CCDC85C: variants seen among roughly 807,000 people sequenced by gnomAD.
CCDC85C encodes coiled-coil domain containing 85C, also known as coiled-coil domain-containing protein 85C.
A neutral mutation model predicts 38.3 loss-of-function variants in CCDC85C; 18 were observed. The ratio of observed to expected loss-of-function variants is 0.47; its 90% CI spans 0.33 to 0.70. The LOEUF is 0.70. Among genes scored for constraint, CCDC85C ranks in the 30% least tolerant of loss-of-function variants. The probability of loss-of-function intolerance (pLI) is 0.03; values close to 1 mark genes in which losing one functional copy is unlikely to be tolerated. For synonymous variants in CCDC85C, 264 were observed against 293.8 expected (o/e 0.90, Z 1.04); for missense variants, 566 against 621.2 (o/e 0.91, Z 0.94).
chr14:99,552,949 G>A (rs1390911331), intron 1 of CCDC85C, among the ~76,000 whole-genome samples: 1 of 152,182 alleles, frequency 6.6e-6, no homozygotes, highest in African/African-American at 2.4e-5. Flanking sequence ...GCTGGCCAGG[G>A]ACTTGGTTAC....
chr14:99,557,338 C>G (rs1027616148), intron 1 of CCDC85C, among the ~76,000 whole-genome samples: 1 of 152,202 alleles, frequency 6.6e-6, no homozygotes, highest in African/African-American at 2.4e-5. Context: ...AGGCTGTTCT[C>G]GGCTGGAGGA....
Position 99,536,034 on chromosome 14 carries a change from C to T in CCDC85C, c.848G>A (p.Gly283Asp), listed in dbSNP as rs1157471110. ...QLESKVRLLEGDKLLAQQAGS... is the reference protein window; with the variant it reads ...QLESKVRLLEDDKLLAQQAGS... ...GCCTACCTGTGCGAGGAGCTTGTCA[C>T]CCTCCAGCAGCCTCACTTTGCTCTC... The change falls in exon 2 of 6, where the codon GGT becomes GAT. Residue 283 changes from glycine to aspartate, a missense_variant. Physicochemically the swap from Gly to Asp is moderately conservative, Grantham distance 94. Around this residue, in one of 3 missense-constraint regions of CCDC85C, gnomAD observed 286 missense variants for 276.4 expected, o/e 1.03. Coordinates refer to ENST00000380243, the MANE Select transcript of CCDC85C (RefSeq NM_001144995.2). The T allele has an allele frequency of 2.6e-6, 4 of 1,551,424 alleles. No individual in the cohort carries two copies. The African/African-American group carries it at 4.1e-5, about 16-fold the overall frequency.
rs370622434 is a variant in CCDC85C, at chr14:99,586,939, C to T, written c.793+16228G>A. ...CCCGCAGCCACGGGCGGCACTCCCGCGCTCACAGAGGGCCTCTGCCCTCCT... is the reference window on the plus strand; with the variant it reads ...CCCGCAGCCACGGGCGGCACTCCCGTGCTCACAGAGGGCCTCTGCCCTCCT... On this transcript the variant is annotated intron_variant, in intron 1 of 5. Transcript: ENST00000380243. Among the ~76,000 whole-genome samples the T allele has an allele frequency of 2.0e-3, 305 of 152,336 alleles. 2 individuals carry two copies. The highest frequency in any genetic ancestry group is 6.6e-3 in the African/African-American group (274 of 41,590).
chr14:99,594,291 GT>G (rs1164001166), intron 1 of CCDC85C, among the ~76,000 whole-genome samples: 1 of 152,224 alleles, frequency 6.6e-6, no homozygotes, highest in Non-Finnish European at 1.5e-5. Flanking sequence ...GAAGCTCAGT[GT>G]TCTCCTCTTG....
At chr14:99,589,870 C>T (rs1267872213) in intron 1 of CCDC85C, among the ~76,000 whole-genome samples, 1 of 152,212 alleles carries the variant, frequency 6.6e-6, no homozygotes, top group Non-Finnish European at 1.5e-5. Context: ...CCAGGGGTTC[C>T]GAGAGCCCAA....
intron 1 of CCDC85C, among the ~76,000 whole-genome samples, chr14:99,587,221 C>T (rs2055036714): frequency 6.6e-6 from 1 of 152,268 alleles, no homozygotes; most frequent in Non-Finnish European, 1.5e-5. Flanking sequence ...TGATCCCAGG[C>T]AGCCCCTGCC....
At position 99,515,305 on chromosome 14, in the gene CCDC85C, T is replaced by G; in HGVS notation, c.1201A>C (p.Ser401Arg). Residue 401 changes from serine (S) to arginine (R), a missense_variant, in exon 6 of 6, where the codon AGC becomes CGC. By Grantham distance (110) the Ser-to-Arg change is moderately radical. Around this residue, in one of 3 missense-constraint regions of CCDC85C, gnomAD observed 286 missense variants for 276.4 expected, o/e 1.03. Coordinates refer to ENST00000380243, the MANE Select transcript of CCDC85C (RefSeq NM_001144995.2). Reference sequence around the variant, plus strand: ...TGCTGCCGTATGGAGGGCTTGGAGCTGGCTGCATCTCCCAGCTTTCTCCAG... The same window carrying G: ...TGCTGCCGTATGGAGGGCTTGGAGCGGGCTGCATCTCCCAGCTTTCTCCAG... Reference protein sequence around the residue: ...VVWRKLGDAASSKPSIRQHLS... With the variant: ...VVWRKLGDAARSKPSIRQHLS... 19 of 1,550,818 alleles carry G rather than the reference T, an allele frequency of 1.2e-5. No individual in the cohort carries two copies. The highest frequency in any genetic ancestry group is 1.6e-5 in the Non-Finnish European group (18 of 1,146,808).
chr14:99,593,453 C>T (rs569329993), intron 1 of CCDC85C, among the ~76,000 whole-genome samples: 16 of 152,228 alleles, frequency 1.1e-4, no homozygotes, highest in South Asian at 2.1e-4. Context: ...AGTGGGGTGG[C>T]GGAGGCAGCC....
Position 99,522,254 on chromosome 14 carries a change from A to G in CCDC85C, c.868-14T>C. On this transcript the variant is annotated splice_polypyrimidine_tract_variant and intron_variant, in intron 2 of 5. Transcript: ENST00000380243. ...GGAGCCTGCCTGCTGCAGGGGAGAG[A>G]AGGAGAGGGGTTAGACGGAGGGCCA... is the stretch of plus-strand genomic sequence containing the variant. The G allele has an allele frequency of 6.5e-7, 1 of 1,539,050 alleles. No individual in the cohort carries two copies. The highest frequency in any genetic ancestry group is 8.8e-7 in the Non-Finnish European group (1 of 1,141,262).
At position 99,517,146 on chromosome 14, in the gene CCDC85C, G is replaced by C. The variant is rs957847302; in HGVS notation, c.1013C>G (p.Pro338Arg). Residue 338 changes from proline to arginine, a missense_variant, in exon 4 of 6, where the codon CCC becomes CGC. By Grantham distance (103) the Pro-to-Arg change is moderately radical (BLOSUM62 -2). This residue lies in a region of CCDC85C where 286 missense variants were observed against 276.4 expected (regional missense o/e 1.03). Transcript: ENST00000380243. ...ACPAPELPSPPSAGYSPAGQK... is the reference protein window; with the variant it reads ...ACPAPELPSPRSAGYSPAGQK... ...TCCTGCAGGGCTGTAGCCAGCAGAG[G>C]GGGGCGAGGGCAGCTCAGGTGCGGG... 9.7e-6 allele frequency: 15 copies of C among 1,550,008 alleles called. No individual in the cohort carries two copies. Among genetic ancestry groups the C allele is most frequent in the Admixed American group, 3.9e-5 (2 of 50,938 alleles).
At chr14:99,539,128 T>TA (rs1366006467) in intron 1 of CCDC85C, among the ~76,000 whole-genome samples, 2 of 152,178 alleles carry the variant, frequency 1.3e-5, no homozygotes, top group South Asian at 2.1e-4. Context: ...ATAACACTCT[T>TA]AAAAAATATT....
chr14:99,535,510 C>T lies in CCDC85C; in HGVS notation c.867+505G>A, dbSNP rs1384159930. ...CCCCTCACCCAACCCCACCTCCCCCCTACAGCCAACCCCTCCCACGCCGTG... is the reference window on the plus strand; with the variant it reads ...CCCCTCACCCAACCCCACCTCCCCCTTACAGCCAACCCCTCCCACGCCGTG... On this transcript the variant is annotated intron_variant, in intron 2 of 5. Coordinates refer to ENST00000380243, the MANE Select transcript of CCDC85C (RefSeq NM_001144995.2). This position sits in a 1 kb window ranked among gnomAD's most constrained non-coding sequence, Gnocchi z 5.5. Among the ~76,000 whole-genome samples the T allele has an allele frequency of 6.6e-6, 1 of 152,154 alleles. No homozygotes were observed. Among genetic ancestry groups the T allele is most frequent in the African/African-American group, 2.4e-5 (1 of 41,432 alleles).
chr14:99,503,397 C>G lies in CCDC85C; in HGVS notation c.*11849G>C, dbSNP rs1566751976. 1 of 603,932 alleles carries G rather than the reference C, an allele frequency of 1.7e-6. No homozygotes were observed. The highest frequency in any genetic ancestry group is 3.0e-6 in the Non-Finnish European group (1 of 338,966). The allele number at this position is 603,932 out of a possible 1,614,324, so 37.4% of individuals were successfully genotyped here. On this transcript the variant is annotated 3_prime_UTR_variant, in exon 6 of 6. Transcript: ENST00000380243. Reference sequence around the variant, plus strand: ...TCACCATTCAGGAAAGCTAGTCATTCTGTCTTATTTGGTAAATGGAAAGAG... The same window carrying G: ...TCACCATTCAGGAAAGCTAGTCATTGTGTCTTATTTGGTAAATGGAAAGAG...
At position 99,501,060 on chromosome 14, in the gene CCDC85C, C is replaced by T. The variant is rs1031502016; in HGVS notation, c.*14186G>A. 1 of 604,860 alleles carries T rather than the reference C, an allele frequency of 1.7e-6. No individual in the cohort carries two copies. Among genetic ancestry groups the T allele is most frequent in the African/African-American group, 1.9e-5 (1 of 53,664 alleles). The allele number at this position is 604,860 out of a possible 1,614,324, so 37.5% of individuals were successfully genotyped here. On this transcript the variant is annotated 3_prime_UTR_variant, in exon 6 of 6. Coordinates refer to ENST00000380243, the MANE Select transcript of CCDC85C (RefSeq NM_001144995.2). ...GTTTCCTTTTATGTATAAACAGGCT[C>T]TGTCATCCAGTTGCCAAGTGATGGG... is the stretch of plus-strand genomic sequence containing the variant.
At chr14:99,549,932 G>C (rs76929344) in intron 1 of CCDC85C, among the ~76,000 whole-genome samples, 1 of 152,198 alleles carries the variant, frequency 6.6e-6, no homozygotes, top group Non-Finnish European at 1.5e-5. Flanking sequence ...CTGTGTGCCC[G>C]TGAGGGCTGC....
At position 99,581,925 on chromosome 14, in the gene CCDC85C, G is replaced by A. The variant is rs138588435; in HGVS notation, c.793+21242C>T. 1.9e-3 allele frequency among the ~76,000 whole-genome samples: 291 copies of A among 152,264 alleles called. 2 individuals are homozygous for A. The highest frequency in any genetic ancestry group is 6.3e-3 in the African/African-American group (260 of 41,574). ...GACGCATCACGGCAAGTCACTTCCC[G>A]GTGTGAACCCCCCTTGGCTTCTCCC... On this transcript the variant is annotated intron_variant, in intron 1 of 5. Coordinates refer to ENST00000380243, the MANE Select transcript of CCDC85C (RefSeq NM_001144995.2).
chr14:99,502,330 A>G lies in CCDC85C; in HGVS notation c.*12916T>C, dbSNP rs775124036. On this transcript the variant is annotated 3_prime_UTR_variant, in exon 6 of 6. Transcript: ENST00000380243. ...GGACCTCCAAACCCATGTATAGGAG[A>G]TGGTGGGAGCAGTTTGTTCAAGATG... The G allele has an allele frequency of 1.7e-5, 27 of 1,613,704 alleles. No individual in the cohort carries two copies. The highest frequency in any genetic ancestry group is 5.5e-5 in the South Asian group (5 of 91,004).
chr14:99,502,036 T>A lies in CCDC85C; in HGVS notation c.*13210A>T. 1.5e-6 allele frequency: 1 copy of A among 652,544 alleles called. No individual in the cohort carries two copies. The highest frequency in any genetic ancestry group is 1.9e-5 in the African/African-American group (1 of 52,626). The allele number at this position is 652,544 out of a possible 1,614,324, so 40.4% of individuals were successfully genotyped here. On this transcript the variant is annotated 3_prime_UTR_variant, in exon 6 of 6. Transcript: ENST00000380243. The stretch of plus-strand genomic sequence containing the variant: ...ATTACTAACTATGGTTAAAGTAACT[T>A]AGTCGGGTACCTTTAGAAGAGTAAA...
Position 99,525,395 on chromosome 14 carries a change from G to A in CCDC85C, c.868-3155C>T, listed in dbSNP as rs149715065. On this transcript the variant is annotated intron_variant, in intron 2 of 5. Coordinates refer to ENST00000380243, the MANE Select transcript of CCDC85C (RefSeq NM_001144995.2). ...CAGAGGGGATGCTGAACAGAAAGAG[G>A]ATAAGACATGGAAACAGAGCCCACC... is the stretch of plus-strand genomic sequence containing the variant. 3.7e-3 allele frequency among the ~76,000 whole-genome samples: 556 copies of A among 152,292 alleles called. 4 individuals are homozygous for A. Among genetic ancestry groups the A allele is most frequent in the African/African-American group, 0.013 (535 of 41,570 alleles).
Sources: gnomAD v4.1 joint callset for allele counts (sites outside exome capture counted in the v4.1 genomes callset) on GRCh38, gnomAD v4.1.1 for gene constraint, gnomAD v4.1.1 regional missense constraint, Gnocchi (gnomAD v3.1) non-coding constraint, MANE v1.5 for transcripts, NCBI Gene and HGNC (gene_info 2026-07-23, HGNC 2026-07-21) for gene names.